MEAF6: variants seen among roughly 807,000 people sequenced by gnomAD.
MEAF6 encodes MYST/Esa1 associated factor 6.
In MEAF6, 15 loss-of-function variants were observed where a neutral mutation model predicts 28.9. That is an observed-to-expected ratio of 0.52 (90% CI 0.35 to 0.80). MEAF6 has a LOEUF of 0.80. MEAF6 is among the 30% of genes least tolerant of loss of function. The pLI, the probability that MEAF6 is intolerant of heterozygous loss-of-function variation, is 0.01. For synonymous variants in MEAF6, 97 were observed against 88.7 expected (o/e 1.09, Z -0.53); for missense variants, 178 against 237.5 (o/e 0.75, Z 1.65).
At chr1:37,505,861 G>A (rs1557609958) in intron 4 of MEAF6, among the ~76,000 whole-genome samples, 2 of 152,168 alleles carry the variant, frequency 1.3e-5, no homozygotes, top group African/African-American at 2.4e-5. Flanking sequence ...AACAAATGGT[G>A]CTGGAACAAC....
At chr1:37,498,405 A>ATTT (rs202195694) in intron 5 of MEAF6, among the ~76,000 whole-genome samples, 1 of 125,508 alleles carries the variant, frequency 8.0e-6, no homozygotes, top group Non-Finnish European at 1.7e-5. Flanking sequence ...TAGCTATGTT[A>ATTT]TTTTTTATTA....
intron 2 of MEAF6, among the ~76,000 whole-genome samples, chr1:37,510,381 A>ATTTTTTTTTTTT (rs34785696): frequency 1.1e-5 from 1 of 95,014 alleles, no homozygotes; most frequent in Non-Finnish European, 1.9e-5. Context: ...GCACCTAGCC[A>ATTTTTTTTTTTT]TTTTTTTTTT....
In MEAF6 at chr1:37,493,616, C is replaced by T; in HGVS notation, c.*483G>A. 2.7e-6 allele frequency: 2 copies of T among 732,062 alleles called. No homozygotes were observed. The highest frequency in any genetic ancestry group is 4.6e-6 in the Non-Finnish European group (2 of 432,178). 45.3% of individuals were successfully genotyped at this position (732,062 alleles called of 1,614,324 possible). A position where few individuals can be genotyped will look rare whatever the true frequency, so the allele number is the denominator to read the frequency against. ...GCTGTACAAAGGCATTACAAAAAAA[C>T]CCCAAAGAAAATAAGATAAAAACAA... On this transcript the variant is annotated 3_prime_UTR_variant, in exon 7 of 7. Coordinates refer to ENST00000296214, the MANE Select transcript of MEAF6 (RefSeq NM_001270875.3).
At chr1:37,512,329 C>T (rs963157111) in intron 2 of MEAF6, among the ~76,000 whole-genome samples, 7 of 152,076 alleles carry the variant, frequency 4.6e-5, no homozygotes, top group Non-Finnish European at 1.0e-4. Context: ...TGCCAACTCC[C>T]TATGAATCTA....
rs905886099 is a variant in MEAF6 at position 37,513,696 on chromosome 1, A to C, written c.91-158T>G. 2.0e-5 allele frequency: 13 copies of C among 657,116 alleles called. No homozygotes were observed. The East Asian group carries it at 3.5e-4, about 18-fold the overall frequency. The allele number at this position is 657,116 out of a possible 1,614,324, so 40.7% of individuals were successfully genotyped here. ...AAGATACGGGGAGGAGGAGCCGTTTAGGACTAAGACAGTCTAGACCTTTGG... is the reference window on the plus strand; with the variant it reads ...AAGATACGGGGAGGAGGAGCCGTTTCGGACTAAGACAGTCTAGACCTTTGG... On this transcript the variant is annotated intron_variant, in intron 1 of 6. Transcript: ENST00000296214.
intron 2 of MEAF6, among the ~76,000 whole-genome samples, chr1:37,510,080 T>A (rs1277709575): frequency 6.7e-6 from 1 of 149,422 alleles, no homozygotes; most frequent in Non-Finnish European, 1.5e-5. Flanking sequence ...CCCAGACATT[T>A]TTTTTTTTTT....
chr1:37,514,471 C>T, intron 1 of MEAF6, 186 bp downstream of exon 1: 1 of 365,302 alleles, frequency 2.7e-6, no homozygotes, highest in Non-Finnish European at 4.9e-6. Flanking sequence ...GCTCCGGATT[C>T]GCACAGCCGG....
At chr1:37,503,700 A>C (rs1159052670) in intron 4 of MEAF6, among the ~76,000 whole-genome samples, 1 of 150,236 alleles carries the variant, frequency 6.7e-6, no homozygotes, top group African/African-American at 2.4e-5. Flanking sequence ...ACAGTGGCTC[A>C]TGCCTGTAAT....
rs746878409 is a variant in MEAF6 at position 37,495,895 on chromosome 1, T to C, written c.557A>G (p.Lys186Arg). 1 of 1,613,948 alleles carries C rather than the reference T, an allele frequency of 6.2e-7. No individual in the cohort carries two copies. Among genetic ancestry groups the C allele is most frequent in the African/African-American group, 1.3e-5 (1 of 74,908 alleles). The change falls in exon 6 of 7, where the codon AAA becomes AGA. Residue 186 changes from lysine (K) to arginine (R), a missense_variant. By Grantham distance (26) the Lys-to-Arg change is conservative (BLOSUM62 2). Transcript: ENST00000296214. ...RHRIDLKLNK[K>R]PRADY is the part of the protein sequence containing the mutation. ...CCGGCTGATACTTACAGCTCGTGGT[T>C]TTTTGTTTAACTTCAGATCAATCCT... is the stretch of plus-strand genomic sequence containing the variant.
At chr1:37,499,229 C>T (rs1179469479) in intron 5 of MEAF6, among the ~76,000 whole-genome samples, 5 of 152,074 alleles carry the variant, frequency 3.3e-5, no homozygotes, top group Non-Finnish European at 5.9e-5. Context: ...TATTTATTTC[C>T]ACCTTTGCTC....
chr1:37,508,348 G>C (rs1041235545), intron 4 of MEAF6, among the ~76,000 whole-genome samples: 1 of 124,984 alleles, frequency 8.0e-6, no homozygotes, highest in African/African-American at 3.1e-5. Context: ...ACACGATCAT[G>C]GCTCATTGCA....
Position 37,493,326 on chromosome 1 carries a change from A to C in MEAF6, c.*773T>G, listed in dbSNP as rs1302667915. The stretch of plus-strand genomic sequence containing the variant: ...AGCATGAGAATTTGAAGCCTGTGAA[A>C]TTTTATTTATACAAAAGAATAAAAA... On this transcript the variant is annotated 3_prime_UTR_variant, in exon 7 of 7. Transcript: ENST00000296214. 1.3e-5 allele frequency: 2 copies of C among 157,746 alleles called. No homozygotes were observed. Among genetic ancestry groups the C allele is most frequent in the Non-Finnish European group, 2.8e-5 (2 of 71,946 alleles). 9.8% of individuals were successfully genotyped at this position (157,746 alleles called of 1,614,324 possible). A position where few individuals can be genotyped will look rare whatever the true frequency, so the allele number is the denominator to read the frequency against.
In MEAF6 at chr1:37,491,166, G is replaced by A. The variant is rs772937049; in HGVS notation, c.*2933C>T. 7.9e-5 allele frequency among the ~76,000 whole-genome samples: 12 copies of A among 152,108 alleles called. No individual in the cohort carries two copies. Among genetic ancestry groups the A allele is most frequent in the South Asian group, 4.1e-4 (2 of 4,822 alleles). On this transcript the variant is annotated 3_prime_UTR_variant, in exon 7 of 7. Transcript: ENST00000296214. ...AACTTTCAAGCTTAGACTATTTATC[G>A]CTCATTTTAATTATCTTCTTTACTG...
chr1:37,492,170 C>T lies in MEAF6; in HGVS notation c.*1929G>A, dbSNP rs755403823. Among the ~76,000 whole-genome samples the T allele has an allele frequency of 5.9e-5, 9 of 151,910 alleles. No individual in the cohort carries two copies. The highest frequency in any genetic ancestry group is 1.0e-4 in the Non-Finnish European group (7 of 67,966). ...CAGCCTCCCGAGTAGCTGGGACTAC[C>T]GGCACCCGCCACCACGCTCAGCTAA... On this transcript the variant is annotated 3_prime_UTR_variant, in exon 7 of 7. Coordinates refer to ENST00000296214, the MANE Select transcript of MEAF6 (RefSeq NM_001270875.3).
chr1:37,496,728 C>T, intron 5 of MEAF6: 1 of 1,601,102 alleles, frequency 6.2e-7, no homozygotes, highest in East Asian at 2.3e-5. Flanking sequence ...ATCAAACATG[C>T]CAGACGGGCT....
Position 37,493,608 on chromosome 1 carries a change from CA to C in MEAF6, c.*490del, listed in dbSNP as rs970129693. On this transcript the variant is annotated 3_prime_UTR_variant, in exon 7 of 7. Coordinates refer to ENST00000296214, the MANE Select transcript of MEAF6 (RefSeq NM_001270875.3). ...AAGTATGAGCTGTACAAAGGCATTA[CA>C]AAAAAACCCCAAAGAAAATAAGATA... 1.1e-5 allele frequency: 8 copies of C among 708,596 alleles called. No homozygotes were observed. Among genetic ancestry groups the C allele is most frequent in the African/African-American group, 1.8e-5 (1 of 55,284 alleles). 43.9% of individuals were successfully genotyped at this position (708,596 alleles called of 1,614,324 possible). A position where few individuals can be genotyped will look rare whatever the true frequency, so the allele number is the denominator to read the frequency against.
chr1:37,513,576 T>C (rs760913364), intron 1 of MEAF6, 38 bp from the exon 2 acceptor site: 5 of 1,472,356 alleles, frequency 3.4e-6, no homozygotes, highest in Non-Finnish European at 4.8e-6. Context: ...TGATACCTTT[T>C]AAATGCAAAC....
At chr1:37,514,629 C>G in intron 1 of MEAF6, 28 bp downstream of exon 1, 5 of 1,477,780 alleles carry the variant, frequency 3.4e-6, no homozygotes, top group Non-Finnish European at 4.5e-6. Flanking sequence ...GAGCCCCATG[C>G]CGTGCAACCC....
Position 37,504,875 on chromosome 1 carries a change from C to G in MEAF6, c.341-2879G>C, listed in dbSNP as rs550790984. ...AAAAAAGGTCATGTGGTAGCAGAAC[C>G]AAGGGACCAGTTTTCTTCTTTTTTG... is the stretch of plus-strand genomic sequence containing the variant. On this transcript the variant is annotated intron_variant, in intron 4 of 6. Transcript: ENST00000296214. Among the ~76,000 whole-genome samples the G allele has an allele frequency of 2.1e-3, 317 of 150,486 alleles. 3 individuals carry two copies. The highest frequency in any genetic ancestry group is 7.0e-3 in the Middle Eastern group (2 of 284).
Sources: gnomAD v4.1 joint callset for allele counts (sites outside exome capture counted in the v4.1 genomes callset) on GRCh38, gnomAD v4.1.1 for gene constraint, MANE v1.5 for transcripts, NCBI Gene and HGNC (gene_info 2026-07-23, HGNC 2026-07-21) for gene names.